The following CDH4 variants were observed in gnomAD, a reference collection of about 807,000 sequenced individuals.
CDH4 encodes the protein cadherin 4, also known as cadherin-4.
In CDH4, 33 loss-of-function variants were observed where a neutral mutation model predicts 86.0. The ratio of observed to expected loss-of-function variants is 0.38; its 90% CI spans 0.29 to 0.51. The LOEUF (loss-of-function observed/expected upper bound fraction) is 0.51. Among genes scored for constraint, CDH4 ranks in the 20% least tolerant of loss-of-function variants. CDH4 has a pLI of 0.86. For missense variants in CDH4, 1,114 were observed against 1,307.4 expected (o/e 0.85, Z 2.28); for synonymous variants, 555 against 549.4 (o/e 1.01, Z -0.14).
At chr20:61,727,827 T>TC (rs1300785122) in intron 2 of CDH4, among the ~76,000 whole-genome samples, 23 of 151,680 alleles carry the variant, frequency 1.5e-4, no homozygotes, top group Non-Finnish European at 3.4e-4. Context: ...CCCAAATGCC[T>TC]CCCCCCGACC....
At chr20:61,790,152 C>T (rs1979093281) in intron 4 of CDH4, among the ~76,000 whole-genome samples, 1 of 151,880 alleles carries the variant, frequency 6.6e-6, no homozygotes, top group African/African-American at 2.4e-5. Flanking sequence ...ATCCACACAC[C>T]CACCCATCTA....
intron 2 of CDH4, among the ~76,000 whole-genome samples, chr20:61,604,263 A>C (rs931279899): frequency 3.3e-5 from 5 of 152,260 alleles, no homozygotes; most frequent in Non-Finnish European, 7.3e-5. Context: ...GCTTCAGTCG[A>C]GGCCGAGATG....
At chr20:61,825,783 C>T (rs1454306839) in intron 4 of CDH4, among the ~76,000 whole-genome samples, 2 of 152,216 alleles carry the variant, frequency 1.3e-5, no homozygotes, top group Non-Finnish European at 2.9e-5. Flanking sequence ...TTTTCATGTC[C>T]AACCGAACAC....
intron 4 of CDH4, among the ~76,000 whole-genome samples, chr20:61,780,066 T>C (rs1978458000): frequency 1.3e-5 from 2 of 152,218 alleles, no homozygotes; most frequent in African/African-American, 4.8e-5. Context: ...AAAGCACGGA[T>C]GTGGCTGTGT....
intron 4 of CDH4, among the ~76,000 whole-genome samples, chr20:61,790,670 A>G (rs116294573): frequency 0.055 from 8,174 of 149,548 alleles, 683 homozygotes; most frequent in African/African-American, 0.19. Context: ...CCCACCCACC[A>G]TCCATCCATT....
At chr20:61,734,844 G>C (rs776438329) in intron 2 of CDH4, among the ~76,000 whole-genome samples, 2 of 152,236 alleles carry the variant, frequency 1.3e-5, no homozygotes, top group South Asian at 4.1e-4. Context: ...ACAGTCACAC[G>C]AATCAACCTG....
intron 2 of CDH4, among the ~76,000 whole-genome samples, chr20:61,371,763 G>A (rs2084841858): frequency 6.6e-6 from 1 of 152,252 alleles, no homozygotes; most frequent in Non-Finnish European, 1.5e-5. Flanking sequence ...TGGGCCGCAT[G>A]GAAGGCGAAG....
At chr20:61,404,196 TC>T (rs2085066947) in intron 2 of CDH4, among the ~76,000 whole-genome samples, 2 of 152,028 alleles carry the variant, frequency 1.3e-5, no homozygotes, top group African/African-American at 2.4e-5. Context: ...CCACCACCTG[TC>T]CCAGGGCACA....
chr20:61,575,797 C>A (rs1348713815), intron 2 of CDH4, among the ~76,000 whole-genome samples: 1 of 152,216 alleles, frequency 6.6e-6, no homozygotes, highest in East Asian at 1.9e-4. Context: ...TCCTGCTGAG[C>A]AGCATATGAT....
chr20:61,489,580 G>A (rs1350776214), intron 2 of CDH4, among the ~76,000 whole-genome samples: 5 of 152,246 alleles, frequency 3.3e-5, no homozygotes, highest in Admixed American at 1.3e-4. Context: ...GCTGAGCCCC[G>A]ATGCTAATGA....
chr20:61,457,274 T>C (rs1174001285), intron 2 of CDH4, among the ~76,000 whole-genome samples: 1 of 152,144 alleles, frequency 6.6e-6, no homozygotes, highest in Non-Finnish European at 1.5e-5. Flanking sequence ...TCTGCCCACC[T>C]CTACTGTCTC....
Position 61,588,046 on chromosome 20 carries a change from C to T in CDH4, c.170-155517C>T, listed in dbSNP as rs1021507403. ...AAACATAAATGATGTCCTGGTGCAGCTGTGCAGAACTTGCTGTTCACACTG... is the reference window on the plus strand; with the variant it reads ...AAACATAAATGATGTCCTGGTGCAGTTGTGCAGAACTTGCTGTTCACACTG... On this transcript the variant is annotated intron_variant, in intron 2 of 15. Transcript: ENST00000614565. 2.6e-5 allele frequency among the ~76,000 whole-genome samples: 4 copies of T among 152,332 alleles called. No individual in the cohort carries two copies. In the East Asian group the frequency reaches 7.7e-4, roughly 29 times the overall value.
intron 2 of CDH4, among the ~76,000 whole-genome samples, chr20:61,288,542 G>A (rs1042754281): frequency 2.0e-5 from 3 of 152,246 alleles, no homozygotes; most frequent in Non-Finnish European, 4.4e-5. Flanking sequence ...GCTCTGAGCA[G>A]TTCCTGATGA....
Position 61,464,015 on chromosome 20 carries a change from G to C in CDH4, c.169+209078G>C, listed in dbSNP as rs533855665. The stretch of plus-strand genomic sequence containing the variant: ...TCTCTTACAGTAGCTCCTGGCTAAT[G>C]ACCCTCTCCTCAGCAGTTCAGGTGC... On this transcript the variant is annotated intron_variant, in intron 2 of 15. Transcript: ENST00000614565. Among the ~76,000 whole-genome samples, 118 of 152,340 alleles carry C rather than the reference G, an allele frequency of 7.7e-4. 1 individual carries two copies. Among genetic ancestry groups the C allele is most frequent in the South Asian group, 7.5e-3 (36 of 4,820 alleles).
At chr20:61,268,138 T>C (rs969593870) in intron 2 of CDH4, among the ~76,000 whole-genome samples, 3 of 152,260 alleles carry the variant, frequency 2.0e-5, no homozygotes, top group Non-Finnish European at 4.4e-5. Context: ...CTTTCTGTGT[T>C]GGGCAGCTGG....
intron 2 of CDH4, among the ~76,000 whole-genome samples, chr20:61,272,510 T>C (rs138124835): frequency 7.9e-5 from 12 of 152,358 alleles, no homozygotes; most frequent in African/African-American, 2.6e-4. Flanking sequence ...GAAATAATAT[T>C]ATTTCCTTCT....
intron 4 of CDH4, among the ~76,000 whole-genome samples, chr20:61,840,651 C>T (rs765515596): frequency 2.0e-4 from 30 of 152,236 alleles, no homozygotes; most frequent in Admixed American, 2.6e-4. Flanking sequence ...CTGGAGGCGC[C>T]TGTCTGTGCT....
chr20:61,733,647 TGGAAGGAA>T (rs35430610), intron 2 of CDH4, among the ~76,000 whole-genome samples: 1 of 146,214 alleles, frequency 6.8e-6, no homozygotes, highest in Non-Finnish European at 1.5e-5. Context: ...GATGGATGAA[TGGAAGGAA>T]GGAAGGAAGG....
chr20:61,606,482 C>G (rs2086646590), intron 2 of CDH4, among the ~76,000 whole-genome samples: 1 of 152,230 alleles, frequency 6.6e-6, no homozygotes, highest in Non-Finnish European at 1.5e-5. Context: ...GCCTGACAGT[C>G]TCTCAGCTAA....
Sources: allele counts gnomAD v4.1 joint callset (sites outside exome capture counted in the v4.1 genomes callset), GRCh38; gene constraint gnomAD v4.1.1; transcripts MANE v1.5; gene names NCBI Gene and HGNC (gene_info 2026-07-23, HGNC 2026-07-21).